Variants in DPYD observed in about 807,000 individuals in gnomAD.
The protein encoded by DPYD is dihydropyrimidine dehydrogenase.
A neutral mutation model predicts 116.2 loss-of-function variants in DPYD; 109 were observed. The ratio of observed to expected loss-of-function variants is 0.94; its 90% CI spans 0.80 to 1.10. The LOEUF (loss-of-function observed/expected upper bound fraction) is 1.10. Ranked by LOEUF, DPYD falls within the 50% of genes least tolerant of loss-of-function variation. The pLI is 0.00. For missense variants in DPYD, 1,302 were observed against 1,254.5 expected (o/e 1.04, Z -0.57); for synonymous variants, 440 against 432.0 (o/e 1.02, Z -0.23).
intron 18 of DPYD, among the ~76,000 whole-genome samples, chr1:97,257,456 G>T (rs369934406): frequency 0.034 from 4,137 of 123,282 alleles, 70 homozygotes; most frequent in African/African-American, 0.05. Flanking sequence ...TATATATAGA[G>T]AGAGAGAAAG....
chr1:97,753,451 C>T (rs1665047847), intron 3 of DPYD, among the ~76,000 whole-genome samples: 1 of 152,142 alleles, frequency 6.6e-6, no homozygotes, highest in East Asian at 1.9e-4. Context: ...GTTTGACTTG[C>T]TCTACAGACC....
chr1:97,788,620 T>G (rs1478854988), intron 3 of DPYD, among the ~76,000 whole-genome samples: 1 of 152,194 alleles, frequency 6.6e-6, no homozygotes, highest in African/African-American at 2.4e-5. Context: ...TGGTTGATTA[T>G]GTAGCAATTG....
intron 10 of DPYD, among the ~76,000 whole-genome samples, chr1:97,575,423 A>T (rs991527992): frequency 1.1e-4 from 16 of 152,186 alleles, no homozygotes; most frequent in African/African-American, 3.4e-4. Context: ...TAAGAAAAAA[A>T]TCTAAAGATA....
At chr1:97,518,320 C>T (rs1287885585) in intron 12 of DPYD, among the ~76,000 whole-genome samples, 2 of 152,016 alleles carry the variant, frequency 1.3e-5, no homozygotes, top group South Asian at 2.1e-4. Context: ...TTGTCATAGG[C>T]AGTCTTTTTT....
chr1:97,713,165 T>C (rs193033785), intron 5 of DPYD, among the ~76,000 whole-genome samples: 11 of 152,290 alleles, frequency 7.2e-5, no homozygotes, highest in Non-Finnish European at 1.2e-4. Flanking sequence ...TTCATGTTGA[T>C]ACAATAATAT....
At chr1:97,141,731 T>G (rs1654240539) in intron 20 of DPYD, among the ~76,000 whole-genome samples, 1 of 152,156 alleles carries the variant, frequency 6.6e-6, no homozygotes. Context: ...AATGGATAAA[T>G]CCCAAGTGTC....
chr1:97,556,512 C>T (rs1363847710), intron 11 of DPYD, among the ~76,000 whole-genome samples: 6 of 108,570 alleles, frequency 5.5e-5, no homozygotes, highest in Admixed American at 3.0e-4. Flanking sequence ...CCCCTCCCCC[C>T]ACCCCACAAC....
intron 10 of DPYD, among the ~76,000 whole-genome samples, chr1:97,588,438 T>A: frequency 6.6e-6 from 1 of 152,222 alleles, no homozygotes; most frequent in South Asian, 2.1e-4. Flanking sequence ...AGTCCTTCTC[T>A]AACCTTATCC....
intron 8 of DPYD, among the ~76,000 whole-genome samples, chr1:97,663,255 CG>C (rs1281989757): frequency 6.6e-6 from 1 of 152,102 alleles, no homozygotes; most frequent in Non-Finnish European, 1.5e-5. Context: ...GAATCTCAAA[CG>C]TAAGAAGTCA....
chr1:97,642,261 T>A (rs1021403903), intron 8 of DPYD, among the ~76,000 whole-genome samples: 2 of 151,940 alleles, frequency 1.3e-5, no homozygotes, highest in African/African-American at 4.8e-5. Flanking sequence ...CATATGGAAC[T>A]AAAAAAGAGT....
At chr1:97,264,551 C>T (rs757997602) in intron 18 of DPYD, among the ~76,000 whole-genome samples, 2 of 152,052 alleles carry the variant, frequency 1.3e-5, no homozygotes, top group Non-Finnish European at 2.9e-5. Context: ...TTCCATTAAT[C>T]ATATTTGTTT....
At chr1:97,790,094 G>T (rs949298411) in intron 3 of DPYD, among the ~76,000 whole-genome samples, 18 of 152,088 alleles carry the variant, frequency 1.2e-4, no homozygotes, top group Admixed American at 1.0e-3. Flanking sequence ...CAGAAACCTG[G>T]GACCTACGTT....
Position 97,775,069 on chromosome 1 carries a change from C to T in DPYD, c.234-34590G>A, listed in dbSNP as rs189034929. The T allele has an allele frequency of 2.0e-4, 35 of 173,774 alleles. No homozygotes were observed. The East Asian group carries it at 4.6e-3, about 23-fold the overall frequency. 10.8% of individuals were successfully genotyped at this position (173,774 alleles called of 1,614,324 possible). The stretch of plus-strand genomic sequence containing the variant: ...AGATTATCATCATTATATTGCCAGA[C>T]TCATATTATTATCTACTATTTTAAA... On this transcript the variant is annotated intron_variant, in intron 3 of 22. Coordinates refer to ENST00000370192, the MANE Select transcript of DPYD (RefSeq NM_000110.4).
At chr1:97,413,840 T>C (rs1046607878) in intron 14 of DPYD, among the ~76,000 whole-genome samples, 4 of 152,148 alleles carry the variant, frequency 2.6e-5, no homozygotes, top group Non-Finnish European at 5.9e-5. Context: ...TCTTTTTTTT[T>C]CAACATATTT....
intron 18 of DPYD, among the ~76,000 whole-genome samples, chr1:97,287,373 A>T (rs959106961): frequency 6.6e-6 from 1 of 152,166 alleles, no homozygotes; most frequent in South Asian, 2.1e-4. Flanking sequence ...CTCGGGGGTC[A>T]GGGGTCAGGC....
At position 97,373,598 on chromosome 1, in the gene DPYD, C is replaced by T. The variant is rs137999090; in HGVS notation, c.2021G>A (p.Gly674Asp). 1.2e-6 allele frequency: 2 copies of T among 1,613,744 alleles called. No homozygotes were observed. The highest frequency in any genetic ancestry group is 1.3e-5 in the African/African-American group (1 of 74,906). Residue 674 changes from glycine (G) to aspartate (D), a missense_variant, in exon 16 of 23, where the codon GGC becomes GAC. Transcript: ENST00000370192. ...CAGGCCCATTCCTCTTTCTCCCATG[C>T]CATGTGGACATGATAAATTTAACTC... is the stretch of plus-strand genomic sequence containing the variant. ...ALELNLSCPH[G>D]MGERGMGLAC...
At chr1:97,458,797 T>G (rs1676850376) in intron 13 of DPYD, among the ~76,000 whole-genome samples, 1 of 152,166 alleles carries the variant, frequency 6.6e-6, no homozygotes, top group East Asian at 1.9e-4. Context: ...GGTTAAAAAT[T>G]TGGTTTAAAA....
intron 8 of DPYD, among the ~76,000 whole-genome samples, chr1:97,629,976 G>A (rs951578268): frequency 2.0e-5 from 3 of 151,816 alleles, no homozygotes; most frequent in African/African-American, 7.3e-5. Context: ...TAACCTTTTA[G>A]AATCAGATTT....
intron 2 of DPYD, among the ~76,000 whole-genome samples, chr1:97,869,336 G>T (rs1671547607): frequency 6.6e-6 from 1 of 151,676 alleles, no homozygotes; most frequent in Admixed American, 6.6e-5. Flanking sequence ...AATTTATCCA[G>T]AATTTGTGAT....
Sources: gnomAD v4.1 joint callset for allele counts (sites outside exome capture counted in the v4.1 genomes callset) on GRCh38, gnomAD v4.1.1 for gene constraint, MANE v1.5 for transcripts, NCBI Gene and HGNC (gene_info 2026-07-23, HGNC 2026-07-21) for gene names.